Variants in INPP4B observed in about 807,000 individuals in gnomAD.
The protein encoded by INPP4B is inositol polyphosphate 4-phosphatase type II.
In INPP4B, 55 loss-of-function variants were observed where a neutral mutation model predicts 122.5. The ratio of observed to expected loss-of-function variants is 0.45; its 90% CI spans 0.36 to 0.56. INPP4B has a LOEUF of 0.56. Among genes scored for constraint, INPP4B ranks in the 20% least tolerant of loss-of-function variants. INPP4B has a pLI of 0.00. For missense variants in INPP4B, 1,000 were observed against 1,097.7 expected, an observed-to-expected ratio of 0.91 and a Z score of 1.26; for synonymous variants, 403 against 388.7, an observed-to-expected ratio of 1.04 and a Z score of -0.43.
intron 2 of INPP4B, among the ~76,000 whole-genome samples, chr4:142,643,244 C>T (rs1333592679): frequency 1.3e-5 from 2 of 151,886 alleles, no homozygotes; most frequent in Non-Finnish European, 2.9e-5. Flanking sequence ...AACTACTTCT[C>T]ACAACAACAT....
chr4:142,052,077 C>A (rs1200689661), intron 25 of INPP4B, among the ~76,000 whole-genome samples: 3 of 151,986 alleles, frequency 2.0e-5, no homozygotes, highest in Non-Finnish European at 4.4e-5. Flanking sequence ...AATGTTCTGA[C>A]TTCCTTAGAA....
intron 5 of INPP4B, among the ~76,000 whole-genome samples, chr4:142,419,857 CCT>C (rs572961872): frequency 4.7e-4 from 71 of 152,068 alleles, no homozygotes; most frequent in Non-Finnish European, 9.1e-4. Context: ...CATCAGGGGA[CCT>C]CTCTCTCTCC....
At chr4:142,093,119 C>T (rs4989472) in intron 23 of INPP4B, among the ~76,000 whole-genome samples, 38,973 of 151,776 alleles carry the variant, frequency 0.26, 5,034 homozygotes, top group East Asian at 0.3. Flanking sequence ...CCTATAAGAA[C>T]CCAGCCATTA....
chr4:142,299,087 C>T (rs1451348321), intron 9 of INPP4B, among the ~76,000 whole-genome samples: 4 of 151,918 alleles, frequency 2.6e-5, no homozygotes, highest in African/African-American at 9.7e-5. Flanking sequence ...GTGCCTGGAT[C>T]ACTCATTAGT....
rs373084075 is a variant in INPP4B, at chr4:142,578,730, T to C, written c.-190-116004A>G. ...AAGGTACTGGGGGTTAGGGATTTAA[T>C]ATATGAATGGGGGGACATATTTCAG... On this transcript the variant is annotated intron_variant, in intron 2 of 25. Transcript: ENST00000262992. 2.6e-5 allele frequency among the ~76,000 whole-genome samples: 4 copies of C among 151,992 alleles called. No individual in the cohort carries two copies. The South Asian group carries it at 6.2e-4, about 24-fold the overall frequency.
At chr4:142,777,970 C>G (rs1047317506) in intron 1 of INPP4B, among the ~76,000 whole-genome samples, 1 of 152,130 alleles carries the variant, frequency 6.6e-6, no homozygotes, top group South Asian at 2.1e-4. Flanking sequence ...AATTTCAAGA[C>G]AGTGACAGCA....
chr4:142,689,368 T>C (rs1324569875), intron 2 of INPP4B, among the ~76,000 whole-genome samples: 1 of 152,204 alleles, frequency 6.6e-6, no homozygotes, highest in Non-Finnish European at 1.5e-5. Flanking sequence ...TTGTTGGGTA[T>C]GGACTAGCAC....
chr4:142,731,427 T>C (rs1243914632), intron 1 of INPP4B, among the ~76,000 whole-genome samples: 1 of 152,156 alleles, frequency 6.6e-6, no homozygotes, highest in Non-Finnish European at 1.5e-5. Context: ...AAAAAGGCAG[T>C]CTACATTTTG....
chr4:142,148,765 G>A (rs186417040), intron 17 of INPP4B, among the ~76,000 whole-genome samples: 22 of 152,272 alleles, frequency 1.4e-4, no homozygotes, highest in East Asian at 1.9e-4. Context: ...TCTGAGGAGC[G>A]TAGTGAAGCA....
At chr4:142,078,796 T>G (rs765536919) in intron 25 of INPP4B, among the ~76,000 whole-genome samples, 2 of 152,020 alleles carry the variant, frequency 1.3e-5, no homozygotes, top group African/African-American at 4.8e-5. Flanking sequence ...GTTTTTATGA[T>G]GAAGAAACCT....
chr4:142,457,379 A>G, intron 3 of INPP4B, among the ~76,000 whole-genome samples: 1 of 152,166 alleles, frequency 6.6e-6, no homozygotes, highest in East Asian at 1.9e-4. Context: ...TGCAAAACTT[A>G]TATGTGATCA....
intron 1 of INPP4B, among the ~76,000 whole-genome samples, chr4:142,842,835 A>G (rs1449728141): frequency 7.4e-6 from 1 of 135,802 alleles, no homozygotes; most frequent in Non-Finnish European, 1.5e-5. Flanking sequence ...AAATTTATAT[A>G]TCATATATAT....
At chr4:142,408,354 A>C (rs139915830) in intron 5 of INPP4B, among the ~76,000 whole-genome samples, 1 of 152,166 alleles carries the variant, frequency 6.6e-6, no homozygotes, top group Non-Finnish European at 1.5e-5. Flanking sequence ...GGAATTCCAG[A>C]CCAGCCTGGC....
At chr4:142,442,031 A>G (rs146254150) in intron 3 of INPP4B, among the ~76,000 whole-genome samples, 117 of 151,912 alleles carry the variant, frequency 7.7e-4, no homozygotes, top group Non-Finnish European at 1.4e-3. Context: ...CAATGGCTTT[A>G]TTTTTTTTCT....
intron 2 of INPP4B, among the ~76,000 whole-genome samples, chr4:142,629,838 G>A (rs960106375): frequency 1.3e-5 from 2 of 152,146 alleles, no homozygotes; most frequent in African/African-American, 2.4e-5. Flanking sequence ...CTCTTCTTCC[G>A]AGGCTAGCAT....
intron 1 of INPP4B, among the ~76,000 whole-genome samples, chr4:142,820,181 C>T (rs1780627500): frequency 6.6e-6 from 1 of 152,160 alleles, no homozygotes; most frequent in East Asian, 1.9e-4. Context: ...TTCGTCCCCA[C>T]AAACCCCATG....
At chr4:142,159,135 TG>T (rs2152900460) in intron 17 of INPP4B, among the ~76,000 whole-genome samples, 1 of 152,056 alleles carries the variant, frequency 6.6e-6, no homozygotes, top group Admixed American at 6.6e-5. Context: ...AATGGAGCAT[TG>T]TAACATGGTA....
intron 22 of INPP4B, 24 bp from the exon 23 acceptor site, chr4:142,108,214 G>A (rs759080687): frequency 7.6e-7 from 1 of 1,307,618 alleles, no homozygotes; most frequent in Admixed American, 1.7e-5. Context: ...AAAGAAAACA[G>A]CTGTGGGTTA....
chr4:142,066,153 T>C (rs998233376), intron 25 of INPP4B, among the ~76,000 whole-genome samples: 2 of 152,238 alleles, frequency 1.3e-5, no homozygotes, highest in Admixed American at 1.3e-4. Context: ...TTTCTAATTA[T>C]GAACAATGTC....
Sources: allele counts gnomAD v4.1 joint callset (sites outside exome capture counted in the v4.1 genomes callset), GRCh38; gene constraint gnomAD v4.1.1; transcripts MANE v1.5; gene names NCBI Gene and HGNC (gene_info 2026-07-23, HGNC 2026-07-21).